Variants in NBEAL1 observed in about 807,000 individuals in gnomAD.
NBEAL1 encodes neurobeachin-like protein 1.
Under a neutral mutation model 351.3 loss-of-function variants are expected in NBEAL1, and 273 were observed. The observed-to-expected ratio is 0.78, with a 90% CI of 0.70 to 0.86. The LOEUF is 0.86. Among genes scored for constraint, NBEAL1 ranks in the 40% least tolerant of loss-of-function variants. The probability of loss-of-function intolerance (pLI) is 0.00; values close to 1 mark genes in which losing one functional copy is unlikely to be tolerated. For missense variants in NBEAL1, 2,961 were observed against 3,201.3 expected (o/e 0.92, Z 1.81); for synonymous variants, 1,050 against 1,086.4 (o/e 0.97, Z 0.66).
rs144202153 is a variant in NBEAL1, at chr2:203,220,442, C to T, written c.*3088C>T. Among the ~76,000 whole-genome samples the T allele has an allele frequency of 8.6e-4, 131 of 151,994 alleles. 1 individual carries two copies. In the East Asian group the frequency reaches 0.023, roughly 26 times the overall value. On this transcript the variant is annotated 3_prime_UTR_variant, in exon 56 of 56. Transcript: ENST00000683969. ...GAGGTTGCAGTGAGCCAAAATCGCA[C>T]CACTGCACTCCAGCCTGGGCAACAG...
At chr2:203,134,942 G>A (rs1177883823) in intron 27 of NBEAL1, among the ~76,000 whole-genome samples, 3 of 152,086 alleles carry the variant, frequency 2.0e-5, no homozygotes, top group East Asian at 1.9e-4. Flanking sequence ...TTGGGAAGCC[G>A]AGGCAGGCAG....
chr2:203,046,940 C>T (rs1279835610), intron 3 of NBEAL1, among the ~76,000 whole-genome samples: 3 of 152,038 alleles, frequency 2.0e-5, no homozygotes, highest in Non-Finnish European at 2.9e-5. Flanking sequence ...TTTGGGAGGC[C>T]GAGGCGGGCA....
intron 3 of NBEAL1, among the ~76,000 whole-genome samples, chr2:203,045,741 C>T (rs185411596): frequency 6.6e-6 from 1 of 152,262 alleles, no homozygotes; most frequent in Admixed American, 6.5e-5. Flanking sequence ...TGTAAAAATA[C>T]TAGCAATACT....
At chr2:203,028,218 A>G (rs578026261) in intron 2 of NBEAL1, among the ~76,000 whole-genome samples, 78 of 149,788 alleles carry the variant, frequency 5.2e-4, no homozygotes, top group African/African-American at 1.5e-3. Context: ...GGGTCTTGCT[A>G]TGTTGCCCAG....
In NBEAL1 at chr2:203,113,111, C is replaced by A. The variant is rs1338683183; in HGVS notation, c.2299C>A (p.Pro767Thr). The A allele has an allele frequency of 6.4e-7, 1 of 1,552,880 alleles. No individual in the cohort carries two copies. The highest frequency in any genetic ancestry group is 2.4e-5 in the East Asian group (1 of 41,600). Residue 767 changes from proline to threonine, a missense_variant, in exon 17 of 56, where the codon CCT becomes ACT. Pro to Thr is a conservative substitution (Grantham distance 38). Transcript: ENST00000683969. ...TCCACCTTTCTCTTCTCCCATTACC[C>A]CTCATCGGACATCATTTGGTGGAAT... is the stretch of plus-strand genomic sequence containing the variant. ...PDPPFSSPIT[P>T]HRTSFGGILS...
chr2:203,065,822 G>A lies in NBEAL1; in HGVS notation c.516-2571G>A, dbSNP rs577660010. On this transcript the variant is annotated intron_variant, in intron 6 of 55. Coordinates refer to ENST00000683969, the MANE Select transcript of NBEAL1 (RefSeq NM_001378026.1). The stretch of plus-strand genomic sequence containing the variant: ...TTAGAAAACTGAGATGCAAATAAGC[G>A]TTTTACAGCCCTCTCAGAAACTGGT... Among the ~76,000 whole-genome samples the A allele has an allele frequency of 1.8e-4, 28 of 152,166 alleles. No homozygotes were observed. In the East Asian group the frequency reaches 2.3e-3, roughly 13 times the overall value.
chr2:203,100,393 C>G (rs2062287428), intron 12 of NBEAL1, among the ~76,000 whole-genome samples: 2 of 152,204 alleles, frequency 1.3e-5, no homozygotes, highest in Non-Finnish European at 2.9e-5. Flanking sequence ...CTTTTCTTCA[C>G]AACCTTGCCA....
intron 44 of NBEAL1, among the ~76,000 whole-genome samples, chr2:203,187,246 G>T (rs1003108279): frequency 6.6e-6 from 1 of 151,800 alleles, no homozygotes; most frequent in Admixed American, 6.6e-5. Flanking sequence ...TTTGTAGAGA[G>T]TGGGTTTCGC....
chr2:203,203,400 C>T (rs1356129404), intron 51 of NBEAL1, among the ~76,000 whole-genome samples: 1 of 151,948 alleles, frequency 6.6e-6, no homozygotes, highest in Non-Finnish European at 1.5e-5. Flanking sequence ...GTCTTGAACT[C>T]CTGACCTTCA....
chr2:203,131,913 G>T (rs538263331), intron 25 of NBEAL1, 60 bp from the exon 26 acceptor site: 8 of 1,234,970 alleles, frequency 6.5e-6, no homozygotes, highest in Non-Finnish European at 8.7e-6. Context: ...CATTTTTAAT[G>T]TTAAATGACA....
chr2:203,082,854 G>A (rs2061896823), intron 8 of NBEAL1, among the ~76,000 whole-genome samples: 1 of 152,168 alleles, frequency 6.6e-6, no homozygotes. Flanking sequence ...TGATATAAAG[G>A]TGGCTGCAAG....
Position 203,107,450 on chromosome 2 carries a change from C to T in NBEAL1, c.1300C>T (p.His434Tyr), listed in dbSNP as rs914263380. 5 of 1,549,524 alleles carry T rather than the reference C, an allele frequency of 3.2e-6. No homozygotes were observed. Among genetic ancestry groups the T allele is most frequent in the Non-Finnish European group, 4.4e-6 (5 of 1,144,794 alleles). ...ATTTAAAGAAAGAATTGGTTATACA[C>T]ATATGCTTGAAGTATTAAAATCCCT... ...EVFKERIGYT[H>Y]MLEVLKSLGQ... The change falls in exon 13 of 56, where the codon CAT becomes TAT. Residue 434 changes from histidine (H) to tyrosine (Y), a missense_variant. Physicochemically the swap from His to Tyr is moderately conservative, Grantham distance 83. Transcript: ENST00000683969.
At chr2:203,197,674 A>G (rs1430664153) in intron 48 of NBEAL1, among the ~76,000 whole-genome samples, 1 of 152,132 alleles carries the variant, frequency 6.6e-6, no homozygotes, top group African/African-American at 2.4e-5. Context: ...TTGGGAGGCC[A>G]AGGCAGGTGG....
chr2:203,132,180 C>A, intron 26 of NBEAL1, 48 bp downstream of exon 26: 1 of 1,271,624 alleles, frequency 7.9e-7, no homozygotes, highest in African/African-American at 1.5e-5. Context: ...ATGTTTTTTC[C>A]TGTAAGTTTT....
rs749105007 is a variant in NBEAL1 at position 203,208,711 on chromosome 2, C to T, written c.7581C>T (p.Val2527=). 17 of 1,612,114 alleles carry T rather than the reference C, an allele frequency of 1.1e-5. No homozygotes were observed. The South Asian group carries it at 1.1e-4, about 10-fold the overall frequency. Residue 2527 remains valine (V), a synonymous_variant, in exon 52 of 56, where the codon GTC becomes GTT. Coordinates refer to ENST00000683969, the MANE Select transcript of NBEAL1 (RefSeq NM_001378026.1). ...GACACACCAACGAGGTACTGAGTGT[C>T]GGCATCAGCACTGAGCTAGACATGG... ...LYGHTNEVLS[V]GISTELDMAV...
rs555206247 is a variant in NBEAL1, at chr2:203,208,555, A to T, written c.7507-82A>T. On this transcript the variant is annotated intron_variant, in intron 51 of 55. Transcript: ENST00000683969. ...AGTTGCAATGTTAGTTTGTGATTAG[A>T]AGGTTTAAATGCAATATAAACCTTG... The T allele has an allele frequency of 3.6e-5, 32 of 887,986 alleles. No individual in the cohort carries two copies. In the South Asian group the frequency reaches 4.5e-4, roughly 13 times the overall value. 55.0% of individuals were successfully genotyped at this position (887,986 alleles called of 1,614,324 possible).
intron 2 of NBEAL1, among the ~76,000 whole-genome samples, chr2:203,027,407 G>A (rs2060876116): frequency 1.3e-5 from 2 of 152,046 alleles, no homozygotes; most frequent in African/African-American, 4.8e-5. Context: ...TTACCTTCAG[G>A]CTGGTAGTGG....
chr2:203,057,714 A>G (rs1370346380), intron 6 of NBEAL1, among the ~76,000 whole-genome samples: 1 of 151,568 alleles, frequency 6.6e-6, no homozygotes, highest in African/African-American at 2.4e-5. Flanking sequence ...AAGGCATAGT[A>G]GCATCAAATA....
intron 49 of NBEAL1, among the ~76,000 whole-genome samples, chr2:203,199,829 C>T (rs962131092): frequency 6.6e-6 from 1 of 152,024 alleles, no homozygotes; most frequent in Non-Finnish European, 1.5e-5. Flanking sequence ...CCCTCCATTC[C>T]CTCCCCAACC....
Sources: allele counts gnomAD v4.1 joint callset (sites outside exome capture counted in the v4.1 genomes callset), GRCh38; gene constraint gnomAD v4.1.1; transcripts MANE v1.5; gene names NCBI Gene and HGNC (gene_info 2026-07-23, HGNC 2026-07-21).